The following MSI2 variants were observed in gnomAD, a reference collection of about 807,000 sequenced individuals.
MSI2 encodes the protein RNA-binding protein Musashi homolog 2.
A neutral mutation model predicts 45.6 loss-of-function variants in MSI2; 17 were observed. The ratio of observed to expected loss-of-function variants is 0.37; its 90% CI spans 0.26 to 0.56. The LOEUF is 0.56. Ranked by LOEUF, MSI2 falls within the 20% of genes least tolerant of loss-of-function variation. The pLI, the probability that MSI2 is intolerant of heterozygous loss-of-function variation, is 0.77. For missense variants in MSI2, 293 were observed against 444.2 expected, an observed-to-expected ratio of 0.66 and a Z score of 3.06; for synonymous variants, 156 against 158.2, an observed-to-expected ratio of 0.99 and a Z score of 0.11.
intron 6 of MSI2, among the ~76,000 whole-genome samples, chr17:57,456,651 G>C (rs2085121344): frequency 6.6e-6 from 1 of 152,072 alleles, no homozygotes; most frequent in African/African-American, 2.4e-5. Flanking sequence ...GGAGATGGCT[G>C]TGCAGATTTA....
chr17:57,462,792 G>A (rs976398115), intron 6 of MSI2, among the ~76,000 whole-genome samples: 2 of 152,204 alleles, frequency 1.3e-5, no homozygotes, highest in Non-Finnish European at 2.9e-5. Context: ...TCTGTAATGT[G>A]GCAGAGGCCT....
intron 5 of MSI2, among the ~76,000 whole-genome samples, chr17:57,277,709 G>A (rs1288793080): frequency 1.3e-5 from 2 of 152,170 alleles, no homozygotes; most frequent in Non-Finnish European, 2.9e-5. Flanking sequence ...TTCCTGATAT[G>A]TAAAATGGGA....
chr17:57,316,854 T>G (rs1363535639), intron 5 of MSI2, among the ~76,000 whole-genome samples: 3 of 152,126 alleles, frequency 2.0e-5, no homozygotes, highest in African/African-American at 7.2e-5. Context: ...TGTCAGAAAT[T>G]ACAGACTCTG....
chr17:57,424,088 T>C (rs1315824414), intron 6 of MSI2, among the ~76,000 whole-genome samples: 1 of 152,242 alleles, frequency 6.6e-6, no homozygotes, highest in African/African-American at 2.4e-5. Context: ...GGGCTGGTTC[T>C]TCTCAGAGAT....
chr17:57,645,676 A>G (rs1910602674), intron 10 of MSI2, among the ~76,000 whole-genome samples: 1 of 151,814 alleles, frequency 6.6e-6, no homozygotes, highest in Admixed American at 6.6e-5. Context: ...TCCTGACCTC[A>G]GGTAGTCCTC....
intron 7 of MSI2, among the ~76,000 whole-genome samples, chr17:57,546,097 A>G (rs1166784160): frequency 2.0e-5 from 3 of 152,208 alleles, no homozygotes; most frequent in East Asian, 1.9e-4. Flanking sequence ...ATTATGCCCA[A>G]TTTATCACGC....
At chr17:57,406,635 G>A (rs923534802) in intron 6 of MSI2, among the ~76,000 whole-genome samples, 1 of 150,952 alleles carries the variant, frequency 6.6e-6, no homozygotes, top group African/African-American at 2.4e-5. Context: ...AATTAGTTTG[G>A]AAGACTTATG....
At chr17:57,394,324 A>G (rs1039554091) in intron 5 of MSI2, among the ~76,000 whole-genome samples, 1 of 152,178 alleles carries the variant, frequency 6.6e-6, no homozygotes, top group African/African-American at 2.4e-5. Flanking sequence ...TGGATGCTTA[A>G]CATTTCTGAG....
At position 57,475,176 on chromosome 17, in the gene MSI2, C is replaced by T. The variant is rs78254085; in HGVS notation, c.406-54500C>T. 2.5e-3 allele frequency among the ~76,000 whole-genome samples: 379 copies of T among 152,298 alleles called. 2 individuals carry two copies. The highest frequency in any genetic ancestry group is 8.4e-3 in the African/African-American group (347 of 41,548). On this transcript the variant is annotated intron_variant, in intron 6 of 13. Coordinates refer to ENST00000284073, the MANE Select transcript of MSI2 (RefSeq NM_138962.4). ...TAAGGTGTGGGCACTAAGTGAAACC[C>T]AGGCAGGAGTTTATTGCTGTGCCCA...
chr17:57,564,422 A>T (rs936322599), intron 7 of MSI2, among the ~76,000 whole-genome samples: 1 of 152,148 alleles, frequency 6.6e-6, no homozygotes, highest in Non-Finnish European at 1.5e-5. Context: ...CTTTGGGGGA[A>T]GCTCTGATGT....
chr17:57,494,694 T>C (rs780050379), intron 6 of MSI2, among the ~76,000 whole-genome samples: 5 of 152,168 alleles, frequency 3.3e-5, no homozygotes, highest in Non-Finnish European at 7.3e-5. Flanking sequence ...CTGCCTCTTT[T>C]TTCCTCAGTT....
chr17:57,355,881 A>G (rs958180634), intron 5 of MSI2, among the ~76,000 whole-genome samples: 2 of 152,018 alleles, frequency 1.3e-5, no homozygotes, highest in African/African-American at 4.8e-5. Context: ...GACATAGGCT[A>G]TGTTTCCCAG....
At chr17:57,633,100 T>C in intron 10 of MSI2, 1 of 1,031,944 alleles carries the variant, frequency 9.7e-7, no homozygotes, top group Non-Finnish European at 1.2e-6. Flanking sequence ...CTGTAAATAG[T>C]TCATCTGTGC....
At chr17:57,433,397 G>A (rs562458127) in intron 6 of MSI2, among the ~76,000 whole-genome samples, 27 of 152,264 alleles carry the variant, frequency 1.8e-4, no homozygotes, top group African/African-American at 5.3e-4. Context: ...AGAAGACCCC[G>A]TGAACATAGA....
At chr17:57,262,263 G>A (rs1907375346) in intron 5 of MSI2, 71 bp downstream of exon 5, 2 of 1,524,024 alleles carry the variant, frequency 1.3e-6, no homozygotes, top group African/African-American at 1.4e-5. Flanking sequence ...ATTTCAAACA[G>A]CATTGGCCAT....
chr17:57,595,944 G>A (rs1017036859), intron 7 of MSI2, among the ~76,000 whole-genome samples: 1 of 152,212 alleles, frequency 6.6e-6, no homozygotes. Flanking sequence ...CCAGGTCTCA[G>A]TCTCCCCATC....
chr17:57,256,849 T>C (rs1906770881), intron 1 of MSI2, 45 bp downstream of exon 1: 1 of 1,394,948 alleles, frequency 7.2e-7, no homozygotes, highest in Non-Finnish European at 9.4e-7. Flanking sequence ...GGGCTCGCTC[T>C]CCTTGCAGCG....
intron 6 of MSI2, among the ~76,000 whole-genome samples, chr17:57,441,326 T>C (rs1268895468): frequency 6.6e-6 from 1 of 152,158 alleles, no homozygotes; most frequent in East Asian, 1.9e-4. Context: ...TGAACTCTGG[T>C]CCACCCCTCT....
chr17:57,653,918 G>T (rs1315032354), intron 11 of MSI2, among the ~76,000 whole-genome samples: 2 of 149,062 alleles, frequency 1.3e-5, no homozygotes, highest in South Asian at 4.3e-4. Context: ...TAACCCCCAA[G>T]GTCATCTCCA....
Sources: gnomAD v4.1 joint callset for allele counts (sites outside exome capture counted in the v4.1 genomes callset) on GRCh38, gnomAD v4.1.1 for gene constraint, MANE v1.5 for transcripts, NCBI Gene and HGNC (gene_info 2026-07-23, HGNC 2026-07-21) for gene names.